STK32C: variants seen among roughly 807,000 people sequenced by gnomAD.
The protein encoded by STK32C is serine/threonine kinase 32C, also known as serine/threonine-protein kinase 32C.
STK32C carries 31 observed loss-of-function variants against 56.5 expected under a neutral mutation model. That is an observed-to-expected ratio of 0.55 (90% CI 0.41 to 0.74). STK32C has a LOEUF of 0.74. Among genes scored for constraint, STK32C ranks in the 30% least tolerant of loss-of-function variants. The probability of loss-of-function intolerance (pLI) is 0.00; values close to 1 mark genes in which losing one functional copy is unlikely to be tolerated. For synonymous variants in STK32C, 309 were observed against 289.4 expected (o/e 1.07, Z -0.69); for missense variants, 544 against 676.9 (o/e 0.80, Z 2.18).
At chr10:132,254,192 C>T (rs182984568) in intron 1 of STK32C, among the ~76,000 whole-genome samples, 1,596 of 152,122 alleles carry the variant, frequency 0.01, 29 homozygotes, top group African/African-American at 0.034. Context: ...GCCTGTAATC[C>T]CAGCTACTCA....
At chr10:132,318,153 A>G (rs1315027424) in intron 1 of STK32C, among the ~76,000 whole-genome samples, 3 of 151,932 alleles carry the variant, frequency 2.0e-5, no homozygotes, top group Non-Finnish European at 2.9e-5. Flanking sequence ...CTGTAGTCCC[A>G]GCTACTTGGG....
intron 10 of STK32C, among the ~76,000 whole-genome samples, chr10:132,217,887 A>C (rs909242559): frequency 1.3e-5 from 2 of 152,134 alleles, no homozygotes; most frequent in Non-Finnish European, 2.9e-5. Context: ...ACCCAGACTC[A>C]GGTATGCCTT....
intron 2 of STK32C, among the ~76,000 whole-genome samples, chr10:132,233,314 A>T (rs1590203809): frequency 6.6e-6 from 1 of 151,386 alleles, no homozygotes; most frequent in East Asian, 1.9e-4. Flanking sequence ...TCCATCTCTC[A>T]CTCTCCTCCT....
rs768244557 is a variant in STK32C at position 132,209,010 on chromosome 10, C to T, written c.1319+24G>A. 3 of 1,606,714 alleles carry T rather than the reference C, an allele frequency of 1.9e-6. No individual in the cohort carries two copies. In the East Asian group the frequency reaches 6.7e-5, roughly 36 times the overall value. ...CATTTTCCTCCTCTCTGCCACCACG[C>T]CCACCCACCCCCAACACACTCACTT... On this transcript the variant is annotated intron_variant, in intron 11 of 11. Coordinates refer to ENST00000298630, the MANE Select transcript of STK32C (RefSeq NM_173575.4).
chr10:132,241,272 C>T (rs138119174), intron 2 of STK32C, among the ~76,000 whole-genome samples: 3,815 of 152,314 alleles, frequency 0.025, 57 homozygotes, highest in Middle Eastern at 0.054. Flanking sequence ...AAGAGGACGC[C>T]GACTGCCCCT....
At position 132,293,138 on chromosome 10, in the gene STK32C, G is replaced by A. The variant is rs183916656; in HGVS notation, c.262+14434C>T. Among the ~76,000 whole-genome samples, 417 of 152,374 alleles carry A rather than the reference G, an allele frequency of 2.7e-3. 2 individuals carry two copies. The highest frequency in any genetic ancestry group is 9.7e-3 in the African/African-American group (402 of 41,592). ...CGCGTGCATGCGTGCGGGGAGGGCA[G>A]CGCTGGGGAAGAGCCAAGAGAGGCC... On this transcript the variant is annotated intron_variant, in intron 1 of 11. Transcript: ENST00000298630.
downstream of STK32C, chr10:132,323,977 A>C: frequency 2.2e-6 from 1 of 447,166 alleles, no homozygotes; most frequent in Non-Finnish European, 4.1e-6. This position sits in a 1 kb window ranked among gnomAD's most constrained non-coding sequence, Gnocchi z 4.8. Context: ...GAGAGCGGGA[A>C]GCCACTCACT....
chr10:132,271,539 A>G (rs745527232), intron 1 of STK32C, among the ~76,000 whole-genome samples: 48 of 152,254 alleles, frequency 3.2e-4, no homozygotes, highest in South Asian at 6.2e-4. Context: ...CATTGTGGCC[A>G]AATCTGACCC....
At chr10:132,262,156 T>C (rs964891924) in intron 1 of STK32C, among the ~76,000 whole-genome samples, 1 of 152,140 alleles carries the variant, frequency 6.6e-6, no homozygotes, top group African/African-American at 2.4e-5. Context: ...TACAACCATC[T>C]GATCTTCGAC....
intron 10 of STK32C, among the ~76,000 whole-genome samples, chr10:132,213,450 C>T (rs1054727776): frequency 2.6e-5 from 4 of 152,246 alleles, no homozygotes; most frequent in African/African-American, 7.2e-5. Flanking sequence ...CCAAGGGCAA[C>T]CCGGGAAATG....
intron 1 of STK32C, among the ~76,000 whole-genome samples, chr10:132,295,000 C>T (rs773019961): frequency 6.6e-6 from 1 of 152,204 alleles, no homozygotes; most frequent in Non-Finnish European, 1.5e-5. Context: ...ATGTCAGCGG[C>T]CTCTGCCCCT....
At chr10:132,246,101 C>T (rs1227321314) in intron 1 of STK32C, 146 bp from the exon 2 acceptor site, 22 of 780,360 alleles carry the variant, frequency 2.8e-5, no homozygotes, top group African/African-American at 2.0e-4. Flanking sequence ...GCCAAACTCT[C>T]GCTCCTGTGC....
intron 10 of STK32C, among the ~76,000 whole-genome samples, chr10:132,222,387 A>G (rs970433245): frequency 9.3e-5 from 14 of 150,276 alleles, no homozygotes; most frequent in African/African-American, 3.2e-4. Context: ...GCAAGCACGA[A>G]GGCTTCACAT....
rs570378871 is a variant in STK32C at position 132,307,483 on chromosome 10, G to A, written c.262+89C>T. ...GCCCCGGGAAGCCGTCCCGGACACC[G>A]GGGGAACCCCTGCGGGAAAAAGCCG... is the stretch of plus-strand genomic sequence containing the variant. On this transcript the variant is annotated intron_variant, in intron 1 of 11. Transcript: ENST00000298630. This position sits in a 1 kb window ranked among gnomAD's most constrained non-coding sequence, Gnocchi z 4.4. 1.5e-6 allele frequency: 2 copies of A among 1,373,276 alleles called. No individual in the cohort carries two copies. The highest frequency in any genetic ancestry group is 1.4e-5 in the South Asian group (1 of 72,680). 85.1% of individuals were successfully genotyped at this position (1,373,276 alleles called of 1,614,324 possible). A position where few individuals can be genotyped will look rare whatever the true frequency, so the allele number is the denominator to read the frequency against.
chr10:132,297,760 C>A (rs951980908), intron 1 of STK32C, among the ~76,000 whole-genome samples: 4 of 152,218 alleles, frequency 2.6e-5, no homozygotes, highest in Non-Finnish European at 5.9e-5. Context: ...TCCGAGACTC[C>A]CCGGCGAAGC....
At chr10:132,298,966 G>C (rs1236963169) in intron 1 of STK32C, among the ~76,000 whole-genome samples, 1 of 152,196 alleles carries the variant, frequency 6.6e-6, no homozygotes, top group Non-Finnish European at 1.5e-5. Flanking sequence ...GGGCCACTAG[G>C]CTATGAGGAA....
intron 1 of STK32C, among the ~76,000 whole-genome samples, chr10:132,264,859 T>G (rs35057409): frequency 6.6e-6 from 1 of 152,174 alleles, no homozygotes; most frequent in Non-Finnish European, 1.5e-5. Flanking sequence ...TAAAAAATCA[T>G]GTGAATAAAT....
intron 1 of STK32C, among the ~76,000 whole-genome samples, chr10:132,295,955 C>G (rs758793520): frequency 5.9e-5 from 9 of 151,614 alleles, no homozygotes; most frequent in African/African-American, 4.9e-5. Context: ...TACCCCCACA[C>G]CCGGTGTGGG....
At chr10:132,246,158 G>A (rs2063682603) in intron 1 of STK32C, among the ~76,000 whole-genome samples, 1 of 152,232 alleles carries the variant, frequency 6.6e-6, no homozygotes, top group African/African-American at 2.4e-5. Context: ...ATGGGCCTTG[G>A]GTCTTGCACG....
Sources: gnomAD v4.1 joint callset for allele counts (sites outside exome capture counted in the v4.1 genomes callset) on GRCh38, gnomAD v4.1.1 for gene constraint, Gnocchi (gnomAD v3.1) non-coding constraint, MANE v1.5 for transcripts, NCBI Gene and HGNC (gene_info 2026-07-23, HGNC 2026-07-21) for gene names.